Variants in VAV2 observed in about 807,000 individuals in gnomAD.
The protein encoded by VAV2 is vav guanine nucleotide exchange factor 2, also known as guanine nucleotide exchange factor VAV2.
A neutral mutation model predicts 132.5 loss-of-function variants in VAV2; 67 were observed. The ratio of observed to expected loss-of-function variants is 0.51; its 90% CI spans 0.42 to 0.62. The LOEUF is 0.62. Among genes scored for constraint, VAV2 ranks in the 20% least tolerant of loss-of-function variants. The pLI, the probability that VAV2 is intolerant of heterozygous loss-of-function variation, is 0.00. For missense variants in VAV2, 938 were observed against 1,153.6 expected, an observed-to-expected ratio of 0.81 and a Z score of 2.71; for synonymous variants, 492 against 443.5, an observed-to-expected ratio of 1.11 and a Z score of -1.37.
At chr9:133,820,012 T>C (rs1207933904) in intron 4 of VAV2, among the ~76,000 whole-genome samples, 1 of 152,234 alleles carries the variant, frequency 6.6e-6, no homozygotes, top group Non-Finnish European at 1.5e-5. Context: ...TAACCAGTAT[T>C]TCTCCTATGA....
At chr9:133,974,050 G>A (rs72764859) in intron 1 of VAV2, among the ~76,000 whole-genome samples, 16,290 of 152,122 alleles carry the variant, frequency 0.11, 1,002 homozygotes, top group Middle Eastern at 0.13. Flanking sequence ...CTCACCTGGC[G>A]CACTGTCACG....
At chr9:133,886,604 A>G (rs1838719741) in intron 2 of VAV2, among the ~76,000 whole-genome samples, 1 of 152,094 alleles carries the variant, frequency 6.6e-6, no homozygotes, top group Non-Finnish European at 1.5e-5. Flanking sequence ...CAAATCCCCA[A>G]TCTCCTACTG....
In VAV2 at chr9:133,991,236, C is replaced by G. The variant is rs1022879132; in HGVS notation, c.204+839G>C. On this transcript the variant is annotated intron_variant, in intron 1 of 29. Transcript: ENST00000371850. The surrounding 1 kb of genome is among the most constrained non-coding windows in gnomAD (Gnocchi z 4.8). ...GCTCCCGGTAAGGATTCCGCGACCC[C>G]CGGAGAACAGGACGGAAGCCTCGAT... Among the ~76,000 whole-genome samples, 1 of 152,192 alleles carries G rather than the reference C, an allele frequency of 6.6e-6. No individual in the cohort carries two copies. The highest frequency in any genetic ancestry group is 2.4e-5 in the African/African-American group (1 of 41,438).
intron 5 of VAV2, among the ~76,000 whole-genome samples, chr9:133,810,750 A>G (rs934167745): frequency 1.3e-5 from 2 of 152,070 alleles, no homozygotes; most frequent in African/African-American, 4.8e-5. Flanking sequence ...GACCTTCAGA[A>G]CCAGGGACAG....
rs1268243061 is a variant in VAV2 at position 133,918,781 on chromosome 9, G to A, written c.321+20322C>T. Among the ~76,000 whole-genome samples, 3 of 151,942 alleles carry A rather than the reference G, an allele frequency of 2.0e-5. No individual in the cohort carries two copies. Among genetic ancestry groups the A allele is most frequent in the African/African-American group, 7.3e-5 (3 of 41,338 alleles). On this transcript the variant is annotated intron_variant, in intron 2 of 29. Coordinates refer to ENST00000371850, the MANE Select transcript of VAV2 (RefSeq NM_001134398.2). This position sits in a 1 kb window ranked among gnomAD's most constrained non-coding sequence, Gnocchi z 4.7. ...TGTGTGTGTGTGTGTTTGTTTGTTTGTTTGTTTGTTTTGAGACAGAGTCTT... is the reference window on the plus strand; with the variant it reads ...TGTGTGTGTGTGTGTTTGTTTGTTTATTTGTTTGTTTTGAGACAGAGTCTT...
chr9:133,914,784 G>GCAC (rs1840009815), intron 2 of VAV2, among the ~76,000 whole-genome samples: 2 of 127,162 alleles, frequency 1.6e-5, no homozygotes, highest in Non-Finnish European at 3.4e-5. Flanking sequence ...GGACGGGAGG[G>GCAC]GAGAGGAGGA....
intron 1 of VAV2, among the ~76,000 whole-genome samples, chr9:133,972,817 G>T (rs927813385): frequency 6.6e-6 from 1 of 150,694 alleles, no homozygotes. Context: ...GGCAACCAAG[G>T]CCCAGGCATG....
In VAV2 at chr9:133,943,278, G is replaced by A. The variant is rs377666905; in HGVS notation, c.205-4059C>T. 2.0e-5 allele frequency among the ~76,000 whole-genome samples: 3 copies of A among 152,316 alleles called. No homozygotes were observed. The East Asian group carries it at 5.8e-4, about 29-fold the overall frequency. Reference sequence around the variant, plus strand: ...AGACAGAGACCCTGACGGTTGGCAGGGACCGGACCCAAGGCTGAGGTTGCT... The same window carrying A: ...AGACAGAGACCCTGACGGTTGGCAGAGACCGGACCCAAGGCTGAGGTTGCT... On this transcript the variant is annotated intron_variant, in intron 1 of 29. Coordinates refer to ENST00000371850, the MANE Select transcript of VAV2 (RefSeq NM_001134398.2).
At chr9:133,767,678 G>A (rs1185113154) in intron 29 of VAV2, among the ~76,000 whole-genome samples, 1 of 152,190 alleles carries the variant, frequency 6.6e-6, no homozygotes, top group African/African-American at 2.4e-5. Context: ...GATAGGTGAA[G>A]GCAGAGCTGC....
At chr9:133,787,526 T>G (rs573111111) in intron 15 of VAV2, among the ~76,000 whole-genome samples, 113 of 152,308 alleles carry the variant, frequency 7.4e-4, no homozygotes, top group African/African-American at 2.5e-3. Context: ...TCATCCAGTC[T>G]GCACTTGCTG....
chr9:133,784,331 G>A lies in VAV2; in HGVS notation c.1620C>T (p.Cys540=), dbSNP rs759377464. 1 of 1,614,220 alleles carries A rather than the reference G, an allele frequency of 6.2e-7. No homozygotes were observed. The highest frequency in any genetic ancestry group is 8.5e-7 in the Non-Finnish European group (1 of 1,180,016). Residue 540 remains cysteine (C), a synonymous_variant, in exon 18 of 30, where the codon TGC becomes TGT. Coordinates refer to ENST00000371850, the MANE Select transcript of VAV2 (RefSeq NM_001134398.2). ...GTTTCCCACACCTGAGGAACATTTT[G>A]CAGGCTTTGCAGTTGGTGGTCTTGT... The part of the protein sequence containing the change: ...TFDKTTNCKA[C]KMFLRGTFYQ...
intron 1 of VAV2, among the ~76,000 whole-genome samples, chr9:133,976,181 G>A (rs1045713655): frequency 3.9e-5 from 6 of 152,216 alleles, no homozygotes; most frequent in African/African-American, 1.4e-4. Context: ...ACTCCAGACT[G>A]GGTGACAGAG....
chr9:133,799,915 C>CT (rs1834867081), intron 9 of VAV2, among the ~76,000 whole-genome samples: 7 of 152,134 alleles, frequency 4.6e-5, no homozygotes, highest in African/African-American at 2.4e-5. Context: ...CCGCCTGCAC[C>CT]TGCCCCGCTC....
rs888924610 is a variant in VAV2, at chr9:133,967,605, T to C, written c.204+24470A>G. On this transcript the variant is annotated intron_variant, in intron 1 of 29. Coordinates refer to ENST00000371850, the MANE Select transcript of VAV2 (RefSeq NM_001134398.2). ...GCAATGTGGATGGAACTAGAGGTCA[T>C]TGTTAAGTGAAAAAAGCCAGACACA... Among the ~76,000 whole-genome samples the C allele has an allele frequency of 1.2e-4, 19 of 152,230 alleles. No individual in the cohort carries two copies. The Middle Eastern group carries it at 0.01, about 82-fold the overall frequency.
At chr9:133,764,668 A>G (rs931241267) in intron 29 of VAV2, among the ~76,000 whole-genome samples, 1 of 152,258 alleles carries the variant, frequency 6.6e-6, no homozygotes, top group Admixed American at 6.5e-5. Flanking sequence ...AGAAGAGAAG[A>G]CAAACTGTAA....
chr9:133,909,051 T>C (rs1457648517), intron 2 of VAV2, among the ~76,000 whole-genome samples: 1 of 152,172 alleles, frequency 6.6e-6, no homozygotes, highest in Non-Finnish European at 1.5e-5. Flanking sequence ...AAATTAACTT[T>C]GAATTACAAA....
At position 133,950,338 on chromosome 9, in the gene VAV2, C is replaced by A. The variant is rs189649862; in HGVS notation, c.205-11119G>T. On this transcript the variant is annotated intron_variant, in intron 1 of 29. Coordinates refer to ENST00000371850, the MANE Select transcript of VAV2 (RefSeq NM_001134398.2). ...AGGCTCCTATTCAACTCTGCACCCG[C>A]CTCCAGTCCACAGTCAGACACCGAA... is the stretch of plus-strand genomic sequence containing the variant. Among the ~76,000 whole-genome samples, 783 of 152,234 alleles carry A rather than the reference C, an allele frequency of 5.1e-3. 6 individuals are homozygous for A. The highest frequency in any genetic ancestry group is 0.018 in the African/African-American group (732 of 41,530).
intron 2 of VAV2, 108 bp from the exon 3 acceptor site, chr9:133,861,540 C>T (rs1359367295): frequency 8.2e-7 from 1 of 1,223,552 alleles, no homozygotes; most frequent in Admixed American, 2.4e-5. Context: ...TAACTGAGCA[C>T]ATCGCATCTG....
chr9:133,811,713 G>A (rs144288712), intron 5 of VAV2, among the ~76,000 whole-genome samples: 3 of 152,242 alleles, frequency 2.0e-5, no homozygotes, highest in Non-Finnish European at 2.9e-5. Flanking sequence ...GGGGGAAAAT[G>A]ACGCGTGCTG....
Sources: allele counts gnomAD v4.1 joint callset (sites outside exome capture counted in the v4.1 genomes callset), GRCh38; gene constraint gnomAD v4.1.1; non-coding constraint Gnocchi (gnomAD v3.1); transcripts MANE v1.5; gene names NCBI Gene and HGNC (gene_info 2026-07-23, HGNC 2026-07-21).